The following DNMT1 variants were observed in gnomAD, a reference collection of about 807,000 sequenced individuals.
DNMT1 encodes DNA methyltransferase 1.
DNMT1 carries 24 observed loss-of-function variants against 205.3 expected under a neutral mutation model. The ratio of observed to expected loss-of-function variants is 0.12; its 90% CI spans 0.08 to 0.16. DNMT1 has a LOEUF of 0.16. Among genes scored for constraint, DNMT1 ranks in the 10% least tolerant of loss-of-function variants. DNMT1 has a pLI of 1.00. For synonymous variants in DNMT1, 817 were observed against 839.8 expected, an observed-to-expected ratio of 0.97 and a Z score of 0.47; for missense variants, 1,293 against 2,177.7, an observed-to-expected ratio of 0.59 and a Z score of 8.09.
chr19:10,150,065 C>A, intron 24 of DNMT1, 97 bp from the exon 25 acceptor site: 1 of 1,037,772 alleles, frequency 9.6e-7, no homozygotes. Flanking sequence ...AGACATGACT[C>A]GATTTCATTA....
chr19:10,145,545 T>C (rs1417072622), intron 28 of DNMT1, among the ~76,000 whole-genome samples: 1 of 152,242 alleles, frequency 6.6e-6, no homozygotes, highest in Non-Finnish European at 1.5e-5. Flanking sequence ...GGAAACGATC[T>C]GTGGCTTTAG....
chr19:10,148,668 C>G (rs1202263032), intron 27 of DNMT1, among the ~76,000 whole-genome samples: 1 of 152,090 alleles, frequency 6.6e-6, no homozygotes, highest in Non-Finnish European at 1.5e-5. Context: ...GTAGGGAACC[C>G]TCTTACAAAG....
rs1435919291 is a variant in DNMT1, at chr19:10,138,548, G to A, written c.4006C>T (p.Pro1336Ser). ...RRRAIILAAAPGEKLPLFPEP... is the reference protein window; with the variant it reads ...RRRAIILAAASGEKLPLFPEP... ...GGGAACAGAGGGAGCTTCTCTCCAG[G>A]GGCCGCGGCCAGGATGATGGCCCGC... is the stretch of plus-strand genomic sequence containing the variant. Residue 1336 changes from proline to serine, a missense_variant, in exon 35 of 41, where the codon CCT (proline) becomes TCT (serine). Pro to Ser is a moderately conservative substitution (Grantham distance 74). Transcript: ENST00000359526. The surrounding 1 kb of genome is among the most constrained non-coding windows in gnomAD (Gnocchi z 4.1). The A allele has an allele frequency of 6.2e-7, 1 of 1,611,432 alleles. No homozygotes were observed. The highest frequency in any genetic ancestry group is 1.7e-5 in the Admixed American group (1 of 60,022).
At position 10,180,777 on chromosome 19, in the gene DNMT1, C is replaced by G. The variant is rs775651380; in HGVS notation, c.225+1G>C. Reference sequence around the variant, plus strand: ...GGCTAGGATGCTGAGAACTGACTTACCTCGGATAATTCTTCTTTACGTAAT... The same window carrying G: ...GGCTAGGATGCTGAGAACTGACTTAGCTCGGATAATTCTTCTTTACGTAAT... On this transcript the variant is annotated splice_donor_variant, in intron 3 of 40. Transcript: ENST00000359526. LOFTEE classifies it high-confidence loss of function. 1 of 1,613,778 alleles carries G rather than the reference C, an allele frequency of 6.2e-7. No individual in the cohort carries two copies. Among genetic ancestry groups the G allele is most frequent in the South Asian group, 1.1e-5 (1 of 91,078 alleles).
rs375464404 is a variant in DNMT1 at position 10,166,589 on chromosome 19, C to A, written c.891+9G>T. On this transcript the variant is annotated intron_variant, in intron 11 of 40. Transcript: ENST00000359526. ...AGGGGGAGTTCAGAAACAAATAACC[C>A]GCCTTTACTTTCTCGTCTCCATCTT... 5 of 1,614,074 alleles carry A rather than the reference C, an allele frequency of 3.1e-6. No homozygotes were observed. The highest frequency in any genetic ancestry group is 4.2e-6 in the Non-Finnish European group (5 of 1,179,962).
chr19:10,151,094 T>TAAACA lies in DNMT1; in HGVS notation c.2265+299_2265+303dup, dbSNP rs904075081. Among the ~76,000 whole-genome samples, 1 of 151,978 alleles carries TAAACA rather than the reference T, an allele frequency of 6.6e-6. No individual in the cohort carries two copies. The highest frequency in any genetic ancestry group is 6.6e-5 in the Admixed American group (1 of 15,240). On this transcript the variant is annotated intron_variant, in intron 24 of 40. Transcript: ENST00000359526. This position sits in a 1 kb window ranked among gnomAD's most constrained non-coding sequence, Gnocchi z 5.0. ...TGGGTGACAGAGCAAGATTCCATCT[T>TAAACA]AAACAAAACAAAACAGAAAAACAAG...
Position 10,141,205 on chromosome 19 carries a change from C to G in DNMT1, c.3310-16G>C. 6.2e-7 allele frequency: 1 copy of G among 1,613,436 alleles called. No individual in the cohort carries two copies. The highest frequency in any genetic ancestry group is 8.5e-7 in the Non-Finnish European group (1 of 1,179,626). ...CATTATAGGCCTGAAAAGGAGAGAA[C>G]TGCAATCGTTTGGGAGAGAAACGCA... On this transcript the variant is annotated splice_polypyrimidine_tract_variant and intron_variant, in intron 30 of 40. Transcript: ENST00000359526.
In DNMT1 at chr19:10,194,837, G is replaced by T. The variant is rs1245074338; in HGVS notation, c.63C>A (p.Pro21=). ...GTACCTACCGCCTGCGGACATCGTCGGGCAGCGAGATGGCCGGGACGGCCA... is the reference window on the plus strand; with the variant it reads ...GTACCTACCGCCTGCGGACATCGTCTGGCAGCGAGATGGCCGGGACGGCCA... ...PTLAVPAISL[P]DDVRRRLKDL... is the part of the protein sequence containing the mutation. Residue 21 remains proline, a synonymous_variant, in exon 1 of 41, where the codon CCC becomes CCA. Coordinates refer to ENST00000359526, the MANE Select transcript of DNMT1 (RefSeq NM_001130823.3). The T allele has an allele frequency of 4.3e-6, 7 of 1,611,708 alleles. No homozygotes were observed. Among genetic ancestry groups the T allele is most frequent in the Non-Finnish European group, 5.9e-6 (7 of 1,179,200 alleles).
At chr19:10,149,395 C>T (rs886899770) in intron 26 of DNMT1, 58 bp downstream of exon 26, 54 of 1,574,626 alleles carry the variant, frequency 3.4e-5, no homozygotes, top group African/African-American at 5.4e-5. Context: ...ACAGAACGCA[C>T]GTCAGCAGTG....
intron 19 of DNMT1, 115 bp from the exon 20 acceptor site, chr19:10,155,171 AC>A: frequency 7.2e-7 from 1 of 1,392,012 alleles, no homozygotes; most frequent in Non-Finnish European, 9.9e-7. Flanking sequence ...GTCATCCCGT[AC>A]CCAAATGTCA....
chr19:10,176,717 G>T (rs1224988894), intron 6 of DNMT1, among the ~76,000 whole-genome samples: 1 of 152,020 alleles, frequency 6.6e-6, no homozygotes, highest in Non-Finnish European at 1.5e-5. Flanking sequence ...AATTAGCCAG[G>T]CGTGGCGGCG....
chr19:10,167,424 T>C (rs1043396412), intron 10 of DNMT1, among the ~76,000 whole-genome samples: 1 of 152,180 alleles, frequency 6.6e-6, no homozygotes, highest in Non-Finnish European at 1.5e-5. Flanking sequence ...CTTGAACTCC[T>C]GACCTCAAGT....
chr19:10,167,754 G>A (rs533003549), intron 10 of DNMT1, among the ~76,000 whole-genome samples: 1 of 152,334 alleles, frequency 6.6e-6, no homozygotes, highest in South Asian at 2.1e-4. Flanking sequence ...TGAAAGGTAA[G>A]TGACACAGCT....
rs752801626 is a variant in DNMT1 at position 10,148,862 on chromosome 19, CG to C, written c.2720+21del. ...GTGGGCTGAAAGTGCCTGCTGACCC[CG>C]AGTCCAGCCCCAGTGCTCACTTGAA... On this transcript the variant is annotated intron_variant, in intron 27 of 40. Transcript: ENST00000359526. 2.5e-6 allele frequency: 4 copies of C among 1,614,036 alleles called. No homozygotes were observed. The Admixed American group carries it at 6.7e-5, about 27-fold the overall frequency.
intron 11 of DNMT1, among the ~76,000 whole-genome samples, chr19:10,165,605 C>T (rs1210987107): frequency 6.6e-6 from 1 of 152,104 alleles, no homozygotes; most frequent in African/African-American, 2.4e-5. Flanking sequence ...GTTGGCCTGG[C>T]TGGTCTCAGA....
intron 6 of DNMT1, 109 bp downstream of exon 6, chr19:10,177,183 G>A: frequency 9.8e-7 from 1 of 1,017,346 alleles, no homozygotes; most frequent in Non-Finnish European, 1.5e-6. Context: ...ACCGCAAGAT[G>A]AAAACCTATA....
intron 1 of DNMT1, among the ~76,000 whole-genome samples, chr19:10,192,545 T>G (rs183562534): frequency 2.0e-5 from 3 of 151,964 alleles, no homozygotes; most frequent in Admixed American, 1.3e-4. Context: ...GAGGATCGCT[T>G]GAGGCCAGGA....
chr19:10,159,993 G>C lies in DNMT1; in HGVS notation c.1089+25C>G, dbSNP rs751308895. 2.5e-6 allele frequency: 4 copies of C among 1,614,190 alleles called. No homozygotes were observed. The highest frequency in any genetic ancestry group is 3.4e-6 in the Non-Finnish European group (4 of 1,180,038). On this transcript the variant is annotated intron_variant, in intron 15 of 40. Coordinates refer to ENST00000359526, the MANE Select transcript of DNMT1 (RefSeq NM_001130823.3). The surrounding 1 kb of genome is among the most constrained non-coding windows in gnomAD (Gnocchi z 5.0). ...CAGCCGCCTCGTGAGCGCCGCCACC[G>C]GCTTTATTCCCGGCAGATGTTTACC...
intron 37 of DNMT1, 112 bp downstream of exon 37, chr19:10,136,973 C>A: frequency 1.4e-6 from 2 of 1,430,220 alleles, no homozygotes; most frequent in Non-Finnish European, 9.6e-7. Context: ...CTGGGACACC[C>A]AGGCTTGGTG....
Sources: gnomAD v4.1 joint callset for allele counts (sites outside exome capture counted in the v4.1 genomes callset) on GRCh38, gnomAD v4.1.1 for gene constraint, Gnocchi (gnomAD v3.1) non-coding constraint, MANE v1.5 for transcripts, NCBI Gene and HGNC (gene_info 2026-07-23, HGNC 2026-07-21) for gene names.